Variants in OPHN1 observed in about 807,000 individuals in gnomAD.
OPHN1 encodes the protein oligophrenin-1.
A neutral mutation model predicts 60.7 loss-of-function variants in OPHN1; 11 were observed. The observed-to-expected ratio is 0.18, with a 90% CI of 0.11 to 0.30. The LOEUF (loss-of-function observed/expected upper bound fraction) is 0.30. Among genes scored for constraint, OPHN1 ranks in the 10% least tolerant of loss-of-function variants. The pLI is 1.00. For missense variants in OPHN1, 449 were observed against 611.0 expected, an observed-to-expected ratio of 0.73 and a Z score of 2.80; for synonymous variants, 226 against 222.6, an observed-to-expected ratio of 1.02 and a Z score of -0.14.
intron 2 of OPHN1, among the ~76,000 whole-genome samples, chrX:68,376,597 T>C (rs778857344): frequency 9.0e-6 from 1 of 111,330 alleles, no homozygotes; most frequent in Admixed American, 9.6e-5. Flanking sequence ...ATGAAGCACC[T>C]ACTCCTCAGT....
intron 2 of OPHN1, among the ~76,000 whole-genome samples, chrX:68,407,831 T>C (rs1261610274): frequency 2.7e-5 from 3 of 112,838 alleles, no homozygotes; most frequent in Non-Finnish European, 5.6e-5. Flanking sequence ...TATTCAGCAT[T>C]ATCAGATAAT....
At chrX:68,336,752 A>T (rs962015073) in intron 2 of OPHN1, among the ~76,000 whole-genome samples, 11 of 109,365 alleles carry the variant, frequency 1.0e-4, no homozygotes, top group African/African-American at 2.7e-4. Flanking sequence ...ACAGAAGTGG[A>T]TTAAAGCAAA....
intron 2 of OPHN1, among the ~76,000 whole-genome samples, chrX:68,349,298 T>C (rs1281974732): frequency 1.2e-4 from 13 of 111,196 alleles, no homozygotes; most frequent in Non-Finnish European, 2.5e-4. Flanking sequence ...CCAACAGACA[T>C]ATGAAAAAAT....
intron 19 of OPHN1, among the ~76,000 whole-genome samples, chrX:68,087,674 G>A (rs1218559619): frequency 8.9e-6 from 1 of 111,800 alleles, no homozygotes; most frequent in East Asian, 2.8e-4. Context: ...ATATCAGATT[G>A]TACAAAAAAA....
At chrX:68,270,290 A>G (rs1303490391) in intron 5 of OPHN1, among the ~76,000 whole-genome samples, 16 of 110,660 alleles carry the variant, frequency 1.4e-4, no homozygotes, top group African/African-American at 4.0e-4. Context: ...ACATGCACAC[A>G]TATGTTTATT....
intron 2 of OPHN1, among the ~76,000 whole-genome samples, chrX:68,404,889 A>G (rs1460033936): frequency 9.0e-6 from 1 of 111,571 alleles, no homozygotes; most frequent in African/African-American, 3.3e-5. Flanking sequence ...AGAAAAAGGA[A>G]GTAGAAAGGT....
rs186510572 is a variant in OPHN1, at chrX:68,352,012, G to C, written c.155-52916C>G. Among the ~76,000 whole-genome samples, 3 of 108,649 alleles carry C rather than the reference G, an allele frequency of 2.8e-5. No homozygotes were observed. The East Asian group carries it at 8.6e-4, about 31-fold the overall frequency. The allele number at this position is 108,649 out of a possible 115,157, so 94.3% of individuals were successfully genotyped here. Reference sequence around the variant, plus strand: ...CTGCCTCAGCCTCCCAAGTAGCTGGGACTACAGTTGCCCGCCACCGCGCCC... The same window carrying C: ...CTGCCTCAGCCTCCCAAGTAGCTGGCACTACAGTTGCCCGCCACCGCGCCC... On this transcript the variant is annotated intron_variant, in intron 2 of 24. Transcript: ENST00000355520.
intron 2 of OPHN1, among the ~76,000 whole-genome samples, chrX:68,304,163 TTGAAA>T (rs1354787038): frequency 8.9e-6 from 1 of 111,753 alleles, no homozygotes; most frequent in Non-Finnish European, 1.9e-5. Flanking sequence ...TATACACATA[TTGAAA>T]TATCACACTG....
chrX:68,425,083 T>C (rs2078847399), intron 2 of OPHN1, among the ~76,000 whole-genome samples: 1 of 111,856 alleles, frequency 8.9e-6, no homozygotes, highest in South Asian at 3.7e-4. Context: ...AGAATGCATA[T>C]TATATCACCA....
intron 2 of OPHN1, among the ~76,000 whole-genome samples, chrX:68,366,716 C>T (rs189352001): frequency 4.5e-5 from 5 of 111,866 alleles, no homozygotes; most frequent in African/African-American, 1.6e-4. Flanking sequence ...TGGCATGCCA[C>T]ATGCTAACTG....
At chrX:68,127,282 A>G (rs1384267295) in intron 15 of OPHN1, among the ~76,000 whole-genome samples, 1 of 112,386 alleles carries the variant, frequency 8.9e-6, no homozygotes, top group Non-Finnish European at 1.9e-5. Flanking sequence ...CGTGGCTGAT[A>G]TAAGGTGACA....
intron 24 of OPHN1, 99 bp downstream of exon 24, chrX:68,048,317 C>T: frequency 2.6e-6 from 2 of 767,634 alleles, no homozygotes; most frequent in Non-Finnish European, 4.0e-6. Flanking sequence ...AGTTCCCACC[C>T]TTCTGATCTA....
intron 5 of OPHN1, among the ~76,000 whole-genome samples, chrX:68,259,398 C>A (rs2147562423): frequency 9.0e-6 from 1 of 110,966 alleles, no homozygotes; most frequent in Non-Finnish European, 1.9e-5. Context: ...CTATAGTGAG[C>A]TGTGATTGTG....
At chrX:68,227,243 A>C (rs1020412211) in intron 6 of OPHN1, among the ~76,000 whole-genome samples, 4 of 111,664 alleles carry the variant, frequency 3.6e-5, no homozygotes, top group South Asian at 3.8e-4. Context: ...ACAGGAGCAC[A>C]CAGATTCATA....
intron 2 of OPHN1, among the ~76,000 whole-genome samples, chrX:68,315,981 A>G (rs1370280129): frequency 9.0e-6 from 1 of 111,250 alleles, no homozygotes; most frequent in East Asian, 2.8e-4. Context: ...ACAGTCTCAT[A>G]ATCTGGTCTC....
Position 68,206,619 on chromosome X carries a change from T to C in OPHN1, c.887A>G (p.Lys296Arg). 5.8e-6 allele frequency: 7 copies of C among 1,211,484 alleles called. No individual in the cohort carries two copies. The highest frequency in any genetic ancestry group is 7.8e-6 in the Non-Finnish European group (7 of 894,970). The change falls in exon 10 of 25, where the codon AAA (lysine) becomes AGA (arginine). Residue 296 changes from lysine to arginine, a missense_variant. Physicochemically the swap from Lys to Arg is conservative, Grantham distance 26 (BLOSUM62 2). Transcript: ENST00000355520. Reference sequence around the variant, plus strand: ...CTCCATAGGCGTCATGGTCAGTGTTTTGGTCTCTTTCTCATACTGGCAATA... The same window carrying C: ...CTCCATAGGCGTCATGGTCAGTGTTCTGGTCTCTTTCTCATACTGGCAATA... ...KYYCQYEKET[K>R]TLTMTPMEQK...
At chrX:68,277,571 C>T (rs766137170) in intron 4 of OPHN1, among the ~76,000 whole-genome samples, 65 of 112,173 alleles carry the variant, frequency 5.8e-4, no homozygotes, top group Non-Finnish European at 1.1e-3. Context: ...AGGTGAATCA[C>T]CTAAGGTCAG....
intron 2 of OPHN1, among the ~76,000 whole-genome samples, chrX:68,393,885 G>GTTTGTTTTTTT (rs2078667077): frequency 1.4e-4 from 5 of 34,600 alleles, no homozygotes; most frequent in Admixed American, 5.3e-4. Context: ...AATAGACTTT[G>GTTTGTTTTTTT]TTTTTTTTTT....
At chrX:68,169,958 G>A (rs1241022013) in intron 15 of OPHN1, among the ~76,000 whole-genome samples, 1 of 108,703 alleles carries the variant, frequency 9.2e-6, no homozygotes, top group East Asian at 2.8e-4. Flanking sequence ...AAGAGCTTCT[G>A]CACAGCAAAA....
Sources: allele counts gnomAD v4.1 joint callset (sites outside exome capture counted in the v4.1 genomes callset), GRCh38; gene constraint gnomAD v4.1.1; transcripts MANE v1.5; gene names NCBI Gene and HGNC (gene_info 2026-07-23, HGNC 2026-07-21).